Variants in GRID2 observed in about 807,000 individuals in gnomAD.
GRID2 encodes glutamate ionotropic receptor delta type subunit 2.
In GRID2, 33 loss-of-function variants were observed where a neutral mutation model predicts 114.8. The ratio of observed to expected loss-of-function variants is 0.29; its 90% confidence interval spans 0.22 to 0.38. GRID2 has a LOEUF of 0.38. Ranked by LOEUF, GRID2 falls within the 10% of genes least tolerant of loss-of-function variation. The pLI is 1.00. For missense variants in GRID2, 1,184 were observed against 1,257.7 expected (o/e 0.94, Z 0.89); for synonymous variants, 505 against 449.9 (o/e 1.12, Z -1.55).
intron 2 of GRID2, among the ~76,000 whole-genome samples, chr4:92,899,520 A>C (rs1747411379): frequency 6.6e-6 from 1 of 152,124 alleles, no homozygotes; most frequent in African/African-American, 2.4e-5. Flanking sequence ...ATTCAACAGG[A>C]CTTGGTATTT....
intron 8 of GRID2, among the ~76,000 whole-genome samples, chr4:93,385,325 C>G (rs556877885): frequency 6.6e-6 from 1 of 152,290 alleles, no homozygotes; most frequent in East Asian, 1.9e-4. Flanking sequence ...AGGGATGACT[C>G]TTGGTGTGAA....
intron 2 of GRID2, among the ~76,000 whole-genome samples, chr4:92,805,696 G>T (rs1245690903): frequency 6.6e-6 from 1 of 151,928 alleles, no homozygotes; most frequent in Non-Finnish European, 1.5e-5. Flanking sequence ...ACTTTGGGAG[G>T]CCCAGGCAGC....
At chr4:93,039,392 T>A (rs1725268231) in intron 2 of GRID2, among the ~76,000 whole-genome samples, 1 of 152,028 alleles carries the variant, frequency 6.6e-6, no homozygotes, top group Non-Finnish European at 1.5e-5. Flanking sequence ...GGGTGCAGCA[T>A]ACCACCATGG....
intron 10 of GRID2, among the ~76,000 whole-genome samples, chr4:93,453,316 AAGAG>A (rs3044025): frequency 0.043 from 5,477 of 127,110 alleles, 127 homozygotes; most frequent in African/African-American, 0.078. Flanking sequence ...AGAGATGGGA[AAGAG>A]AGAGAGAGAG....
intron 13 of GRID2, among the ~76,000 whole-genome samples, chr4:93,567,750 A>G (rs550895431): frequency 3.8e-4 from 58 of 152,004 alleles, no homozygotes; most frequent in Middle Eastern, 3.4e-3. Flanking sequence ...TGAGACTTAG[A>G]GAATGGAACA....
At chr4:93,788,133 A>G (rs1734628716) in intron 1 of GRID2, among the ~76,000 whole-genome samples, 1 of 152,074 alleles carries the variant, frequency 6.6e-6, no homozygotes, top group Non-Finnish European at 1.5e-5. Context: ...CCTGCTCAAC[A>G]TGGCGAAACC....
At chr4:93,571,311 T>C (rs562210527) in intron 13 of GRID2, among the ~76,000 whole-genome samples, 27 of 152,228 alleles carry the variant, frequency 1.8e-4, no homozygotes, top group African/African-American at 5.5e-4. Context: ...CTTGAGGTTA[T>C]TTTTCCCCAG....
At chr4:93,756,943 C>A (rs949645958) in intron 14 of GRID2, among the ~76,000 whole-genome samples, 1 of 152,098 alleles carries the variant, frequency 6.6e-6, no homozygotes, top group Non-Finnish European at 1.5e-5. Flanking sequence ...GAAAAACATG[C>A]ATCAAATATA....
intron 1 of GRID2, among the ~76,000 whole-genome samples, chr4:92,467,564 A>G (rs1579416182): frequency 6.6e-6 from 1 of 152,026 alleles, no homozygotes; most frequent in East Asian, 1.9e-4. Flanking sequence ...ATCTTTCCAC[A>G]TTCTCTTATT....
At chr4:93,157,245 C>G (rs144184710) in intron 4 of GRID2, among the ~76,000 whole-genome samples, 1 of 151,506 alleles carries the variant, frequency 6.6e-6, no homozygotes, top group Non-Finnish European at 1.5e-5. Context: ...CTCGAAACAC[C>G]CTGAAAATGT....
At chr4:92,682,716 T>G (rs151309643) in intron 2 of GRID2, among the ~76,000 whole-genome samples, 1 of 119,370 alleles carries the variant, frequency 8.4e-6, no homozygotes, top group Non-Finnish European at 1.8e-5. Flanking sequence ...ACACACACAC[T>G]CTTCACCTTG....
intron 1 of GRID2, among the ~76,000 whole-genome samples, chr4:92,329,025 TAG>T (rs1333646799): frequency 4.6e-5 from 7 of 152,070 alleles, no homozygotes; most frequent in Admixed American, 2.0e-4. Context: ...GTCTCCTGGG[TAG>T]AGTTTGCTCT....
intron 8 of GRID2, among the ~76,000 whole-genome samples, chr4:93,308,254 A>G (rs1755647831): frequency 6.6e-6 from 1 of 152,196 alleles, no homozygotes; most frequent in Non-Finnish European, 1.5e-5. Context: ...TCCTTTGACA[A>G]AGACCATCTT....
intron 2 of GRID2, among the ~76,000 whole-genome samples, chr4:92,775,297 G>A (rs1192230674): frequency 6.6e-6 from 1 of 152,148 alleles, no homozygotes; most frequent in Non-Finnish European, 1.5e-5. Context: ...TGTTTTGCAA[G>A]ACATTCGCAG....
intron 1 of GRID2, among the ~76,000 whole-genome samples, chr4:92,534,899 G>T (rs1185244275): frequency 1.3e-5 from 2 of 152,104 alleles, no homozygotes; most frequent in South Asian, 4.1e-4. Context: ...GGAAAGTAAT[G>T]AAATAGCAGG....
In GRID2 at chr4:92,531,872, G is replaced by T. The variant is rs143239784; in HGVS notation, c.89-58259G>T. The stretch of plus-strand genomic sequence containing the variant: ...GTAATGGGAGATTAATGAGAGCATG[G>T]TCAAATTTACCAAAAAACTAATTCA... On this transcript the variant is annotated intron_variant, in intron 1 of 15. Transcript: ENST00000282020. 1.7e-3 allele frequency among the ~76,000 whole-genome samples: 262 copies of T among 152,132 alleles called. 1 individual carries two copies. The highest frequency in any genetic ancestry group is 6.2e-3 in the African/African-American group (257 of 41,532).
intron 13 of GRID2, among the ~76,000 whole-genome samples, chr4:93,544,776 TG>T (rs747444117): frequency 1.8e-5 from 2 of 109,956 alleles, no homozygotes; most frequent in Non-Finnish European, 3.7e-5. Context: ...AAACTCCCTC[TG>T]GAAAAAAAAA....
At chr4:92,674,776 C>T (rs1733260072) in intron 2 of GRID2, among the ~76,000 whole-genome samples, 1 of 152,162 alleles carries the variant, frequency 6.6e-6, no homozygotes, top group African/African-American at 2.4e-5. Flanking sequence ...CCGCTTCGGC[C>T]TCCCAAAGTC....
At chr4:93,387,767 C>T (rs1271809941) in intron 8 of GRID2, among the ~76,000 whole-genome samples, 2 of 150,480 alleles carry the variant, frequency 1.3e-5, no homozygotes, top group Admixed American at 6.6e-5. Context: ...GAGGCCGAGG[C>T]CGAAGTGAGC....
Sources: allele counts gnomAD v4.1 joint callset (sites outside exome capture counted in the v4.1 genomes callset), GRCh38; gene constraint gnomAD v4.1.1; transcripts MANE v1.5; gene names NCBI Gene and HGNC (gene_info 2026-07-23, HGNC 2026-07-21).